The following TECPR2 variants were observed in gnomAD, a reference collection of about 807,000 sequenced individuals.
TECPR2 encodes the protein tectonin beta-propeller repeat containing 2.
A neutral mutation model predicts 138.1 loss-of-function variants in TECPR2; 65 were observed. The ratio of observed to expected loss-of-function variants is 0.47; its 90% CI spans 0.39 to 0.58. The LOEUF (loss-of-function observed/expected upper bound fraction) is 0.58. Among genes scored for constraint, TECPR2 ranks in the 20% least tolerant of loss-of-function variants. The pLI, the probability that TECPR2 is intolerant of heterozygous loss-of-function variation, is 0.00. For missense variants in TECPR2, 1,553 were observed against 1,824.5 expected (o/e 0.85, Z 2.71); for synonymous variants, 746 against 749.8 (o/e 0.99, Z 0.08).
At position 102,428,384 on chromosome 14, in the gene TECPR2, T is replaced by C. The variant is rs1889385602; in HGVS notation, c.1084+2T>C. On this transcript the variant is annotated splice_donor_variant, in intron 7 of 19. Coordinates refer to ENST00000359520, the MANE Select transcript of TECPR2 (RefSeq NM_014844.5). LOFTEE classifies it high-confidence loss of function. ...GGCCTGAAGGATTAACATCAACAGGTTTGTATTTATTATAAAATGTACCAT... is the reference window on the plus strand; with the variant it reads ...GGCCTGAAGGATTAACATCAACAGGCTTGTATTTATTATAAAATGTACCAT... 1 of 1,607,952 alleles carries C rather than the reference T, an allele frequency of 6.2e-7. No individual in the cohort carries two copies. Among genetic ancestry groups the C allele is most frequent in the Non-Finnish European group, 8.5e-7 (1 of 1,178,482 alleles).
At chr14:102,481,781 C>T (rs1422628451) in intron 17 of TECPR2, among the ~76,000 whole-genome samples, 1 of 152,164 alleles carries the variant, frequency 6.6e-6, no homozygotes, top group Non-Finnish European at 1.5e-5. Flanking sequence ...TGTTTGGTCC[C>T]CTGACTTCAG....
At chr14:102,477,789 G>A (rs1407396326) in intron 17 of TECPR2, among the ~76,000 whole-genome samples, 1 of 135,976 alleles carries the variant, frequency 7.4e-6, no homozygotes, top group African/African-American at 2.7e-5. Context: ...CAAAAAATTA[G>A]CCAGGCGTGG....
Position 102,428,278 on chromosome 14 carries a change from G to A in TECPR2, c.980G>A (p.Gly327Asp). 2 of 1,593,718 alleles carry A rather than the reference G, an allele frequency of 1.3e-6. No individual in the cohort carries two copies. The highest frequency in any genetic ancestry group is 1.7e-6 in the Non-Finnish European group (2 of 1,171,466). Residue 327 changes from glycine (G) to aspartate (D), a missense_variant, in exon 7 of 20, where the codon GGT (glycine) becomes GAT (aspartate). Physicochemically the swap from Gly to Asp is moderately conservative, Grantham distance 94. Coordinates refer to ENST00000359520, the MANE Select transcript of TECPR2 (RefSeq NM_014844.5). The part of the protein sequence containing the change: ...QATVAGLEGS[G>D]DIVSVSCTEN... ...ACAGTTGCTGGTTTGGAAGGATCCG[G>A]TGATATTGTGTCTGTTTCGTGCACA...
chr14:102,388,621 G>C (rs1410319193), intron 2 of TECPR2, among the ~76,000 whole-genome samples: 1 of 151,806 alleles, frequency 6.6e-6, no homozygotes, highest in East Asian at 1.9e-4. Flanking sequence ...GAGGTCAGGA[G>C]ATCGAGACCA....
chr14:102,502,245 A>G lies in TECPR2; in HGVS notation c.*3988A>G, dbSNP rs11160687. 0.21 allele frequency: 31,812 copies of G among 152,582 alleles called. 3,977 individuals carry two copies. Among genetic ancestry groups the G allele is most frequent in the Non-Finnish European group, 0.29 (19,700 of 67,978 alleles). The allele number at this position is 152,582 out of a possible 1,614,324, so 9.5% of individuals were successfully genotyped here. On this transcript the variant is annotated 3_prime_UTR_variant, in exon 20 of 20. Coordinates refer to ENST00000359520, the MANE Select transcript of TECPR2 (RefSeq NM_014844.5). ...AGAAAGGGAGAGAAGGGGGAGGGAG[A>G]CAACCCAAACGTTGGAGGGTATTTG...
chr14:102,458,995 T>G (rs2139764135), intron 16 of TECPR2, among the ~76,000 whole-genome samples: 1 of 147,164 alleles, frequency 6.8e-6, no homozygotes, highest in African/African-American at 2.5e-5. Context: ...ATATATGTAA[T>G]TTTAGTTTGA....
intron 17 of TECPR2, among the ~76,000 whole-genome samples, chr14:102,479,607 C>T (rs535513484): frequency 6.6e-6 from 1 of 152,196 alleles, no homozygotes; most frequent in Non-Finnish European, 1.5e-5. Context: ...TGGTGCACAT[C>T]TGTGAGATGT....
chr14:102,385,048 G>A (rs187289633), intron 2 of TECPR2, among the ~76,000 whole-genome samples: 1 of 151,342 alleles, frequency 6.6e-6, no homozygotes, highest in Admixed American at 6.6e-5. Flanking sequence ...GTAGAGACAG[G>A]GTTTCACCAT....
intron 16 of TECPR2, among the ~76,000 whole-genome samples, chr14:102,461,787 T>C (rs1262557273): frequency 6.6e-6 from 1 of 152,214 alleles, no homozygotes; most frequent in Non-Finnish European, 1.5e-5. Context: ...TTGCCAGTAC[T>C]GGTCGTGGGT....
At chr14:102,458,966 C>CATATATATAT (rs3068229) in intron 16 of TECPR2, among the ~76,000 whole-genome samples, 13 of 138,380 alleles carry the variant, frequency 9.4e-5, no homozygotes, top group East Asian at 6.4e-4. Flanking sequence ...AAAATACACA[C>CATATATATAT]ATATATATAT....
chr14:102,416,466 T>C (rs1300851992), intron 5 of TECPR2, among the ~76,000 whole-genome samples: 1 of 152,196 alleles, frequency 6.6e-6, no homozygotes, highest in Admixed American at 6.5e-5. Flanking sequence ...CCTTTTTATA[T>C]CTGCAGTCTC....
rs777599852 is a variant in TECPR2, at chr14:102,452,486, C to A, written c.3499C>A (p.Pro1167Thr). Residue 1167 changes from proline (P) to threonine (T), a missense_variant, in exon 16 of 20, where the codon CCC (proline) becomes ACC (threonine). Pro to Thr is a conservative substitution (Grantham distance 38). Coordinates refer to ENST00000359520, the MANE Select transcript of TECPR2 (RefSeq NM_014844.5). Reference sequence around the variant, plus strand: ...GCGGCCCTCCACGGTGCAGCTGCCTCCCGAAGCCGAGATGCGCGCCTATGC... The same window carrying A: ...GCGGCCCTCCACGGTGCAGCTGCCTACCGAAGCCGAGATGCGCGCCTATGC... ...QSRPSTVQLP[P>T]EAEMRAYAAC... 4 of 1,613,478 alleles carry A rather than the reference C, an allele frequency of 2.5e-6. No homozygotes were observed. In the East Asian group the frequency reaches 8.9e-5, roughly 36 times the overall value.
At chr14:102,428,929 C>T (rs1889397813) in intron 7 of TECPR2, among the ~76,000 whole-genome samples, 1 of 151,406 alleles carries the variant, frequency 6.6e-6, no homozygotes, top group Admixed American at 6.6e-5. Context: ...CTCACCGCAA[C>T]CTCTGCCTCC....
chr14:102,490,137 G>A (rs533947598), intron 17 of TECPR2, among the ~76,000 whole-genome samples: 2 of 152,144 alleles, frequency 1.3e-5, no homozygotes, highest in Non-Finnish European at 2.9e-5. Context: ...TTAACCCCAC[G>A]CGGCACCTTC....
intron 1 of TECPR2, among the ~76,000 whole-genome samples, chr14:102,369,002 A>G (rs958830010): frequency 1.3e-5 from 2 of 152,084 alleles, no homozygotes; most frequent in African/African-American, 4.8e-5. Context: ...GACAATTGTG[A>G]CAGTTTCTAA....
At chr14:102,445,708 A>G (rs1889956286) in intron 12 of TECPR2, 98 bp from the exon 13 acceptor site, 1 of 1,443,280 alleles carries the variant, frequency 6.9e-7, no homozygotes, top group Admixed American at 2.2e-5. Context: ...CTCTTCTCCC[A>G]GCCACGCCTG....
chr14:102,429,285 G>GA (rs1357484872), intron 7 of TECPR2, among the ~76,000 whole-genome samples: 1 of 152,164 alleles, frequency 6.6e-6, no homozygotes, highest in Non-Finnish European at 1.5e-5. Context: ...AAGGAGGAAG[G>GA]AAAAATCAGA....
intron 5 of TECPR2, among the ~76,000 whole-genome samples, chr14:102,424,752 C>CCAA (rs1267737650): frequency 6.6e-6 from 1 of 152,152 alleles, no homozygotes; most frequent in Non-Finnish European, 1.5e-5. Flanking sequence ...GTGAATGGTT[C>CCAA]CCTGTGTGCT....
At chr14:102,425,399 C>A in intron 6 of TECPR2, 108 bp downstream of exon 6, 2 of 1,115,060 alleles carry the variant, frequency 1.8e-6, no homozygotes, top group South Asian at 3.1e-5. Context: ...GCAGTATTGA[C>A]TTACACTTTA....
Sources: allele counts gnomAD v4.1 joint callset (sites outside exome capture counted in the v4.1 genomes callset), GRCh38; gene constraint gnomAD v4.1.1; transcripts MANE v1.5; gene names NCBI Gene and HGNC (gene_info 2026-07-23, HGNC 2026-07-21).